TIAM1: variants seen among roughly 807,000 people sequenced by gnomAD.
TIAM1 encodes rho guanine nucleotide exchange factor TIAM1.
In TIAM1, 65 loss-of-function variants were observed where a neutral mutation model predicts 163.5. That is an observed-to-expected ratio of 0.40 (90% CI 0.33 to 0.49). The LOEUF is 0.49. Ranked by LOEUF, TIAM1 falls within the 20% of genes least tolerant of loss-of-function variation. The pLI, the probability that TIAM1 is intolerant of heterozygous loss-of-function variation, is 0.77. For missense variants in TIAM1, 1,789 were observed against 2,044.7 expected (o/e 0.87, Z 2.41); for synonymous variants, 833 against 810.1 (o/e 1.03, Z -0.48).
chr21:31,145,910 A>T (rs1056979433), intron 20 of TIAM1, among the ~76,000 whole-genome samples: 1 of 152,212 alleles, frequency 6.6e-6, no homozygotes, highest in Non-Finnish European at 1.5e-5. Flanking sequence ...ACAAAATGAC[A>T]TTAGTTGGGA....
At chr21:31,217,522 G>A (rs768370537) in intron 9 of TIAM1, 31 bp downstream of exon 9, 37 of 1,607,078 alleles carry the variant, frequency 2.3e-5, no homozygotes, top group South Asian at 1.4e-4. Flanking sequence ...TGATTTGTGC[G>A]GGCTCACTTT....
chr21:31,394,407 G>A (rs545626703), intron 2 of TIAM1, among the ~76,000 whole-genome samples: 11 of 152,336 alleles, frequency 7.2e-5, no homozygotes, highest in African/African-American at 2.6e-4. Context: ...AACTAATTCT[G>A]TGGGATACTA....
intron 2 of TIAM1, among the ~76,000 whole-genome samples, chr21:31,403,347 C>A (rs924432209): frequency 6.6e-6 from 1 of 152,106 alleles, no homozygotes; most frequent in African/African-American, 2.4e-5. Flanking sequence ...CGGGGTTTCA[C>A]CATGTTAGCC....
At chr21:31,162,977 G>A (rs1366846670) in intron 16 of TIAM1, among the ~76,000 whole-genome samples, 2 of 152,014 alleles carry the variant, frequency 1.3e-5, no homozygotes, top group Non-Finnish European at 2.9e-5. Context: ...AGCCTCTTCC[G>A]TCCTCTCCAC....
chr21:31,508,166 T>C (rs2147464801), intron 1 of TIAM1, among the ~76,000 whole-genome samples: 1 of 152,178 alleles, frequency 6.6e-6, no homozygotes, highest in South Asian at 2.1e-4. Flanking sequence ...AGAGTGAACG[T>C]GGCCCTGCTC....
chr21:31,550,886 CA>C (rs746742630), intron 1 of TIAM1, among the ~76,000 whole-genome samples: 1 of 152,104 alleles, frequency 6.6e-6, no homozygotes, highest in Non-Finnish European at 1.5e-5. Flanking sequence ...AGGTCTATGT[CA>C]GTAATATAAA....
rs2082858631 is a variant in TIAM1, at chr21:31,141,823, T to C, written c.3476-319A>G. Among the ~76,000 whole-genome samples the C allele has an allele frequency of 6.6e-6, 1 of 152,120 alleles. No homozygotes were observed. Among genetic ancestry groups the C allele is most frequent in the African/African-American group, 2.4e-5 (1 of 41,428 alleles). On this transcript the variant is annotated intron_variant, in intron 20 of 27. Coordinates refer to ENST00000541036, the MANE Select transcript of TIAM1 (RefSeq NM_001353694.2). This position sits in a 1 kb window ranked among gnomAD's most constrained non-coding sequence, Gnocchi z 4.7. ...TTACACATGTTTTTTTATCCTGATG[T>C]TTTGACACCTGGGGCCTTACTGTCC...
intron 19 of TIAM1, among the ~76,000 whole-genome samples, chr21:31,151,446 T>C (rs2083367433): frequency 6.6e-6 from 1 of 152,052 alleles, no homozygotes; most frequent in African/African-American, 2.4e-5. Context: ...CTACGCTGAG[T>C]GGAAGCAGCC....
At chr21:31,526,800 C>T (rs755660157) in intron 1 of TIAM1, among the ~76,000 whole-genome samples, 12 of 152,150 alleles carry the variant, frequency 7.9e-5, no homozygotes, top group Non-Finnish European at 1.5e-4. Flanking sequence ...CTCCCAGGTT[C>T]GTGCGATTTT....
At position 31,395,782 on chromosome 21, in the gene TIAM1, A is replaced by C. The variant is rs1191814188; in HGVS notation, c.-368-56360T>G. ...AGGTTATTAAAAGGACGTGAGATGC[A>C]TGGAATTAATGAACAACTATCTGTG... On this transcript the variant is annotated intron_variant, in intron 2 of 28. Transcript: ENST00000286827. The surrounding 1 kb of genome is among the most constrained non-coding windows in gnomAD (Gnocchi z 7.5). Among the ~76,000 whole-genome samples, 1 of 152,202 alleles carries C rather than the reference A, an allele frequency of 6.6e-6. No individual in the cohort carries two copies. Among genetic ancestry groups the C allele is most frequent in the Non-Finnish European group, 1.5e-5 (1 of 68,030 alleles).
At chr21:31,212,606 C>CTTTTTTTTTTTTTTTTTTTTTTTTT (rs35838120) in intron 10 of TIAM1, 1 of 93,742 alleles carries the variant, frequency 1.1e-5, no homozygotes, top group Non-Finnish European at 2.1e-5. Context: ...GCCTGTGAAT[C>CTTTTTTTTTTTTTTTTTTTTTTTTT]TTTTTTTTTT....
intron 10 of TIAM1, among the ~76,000 whole-genome samples, chr21:31,210,834 T>G (rs2086851427): frequency 1.3e-5 from 2 of 148,266 alleles, no homozygotes; most frequent in South Asian, 2.2e-4. Flanking sequence ...CAGCTCAGCT[T>G]TATGGCTCTT....
intron 2 of TIAM1, among the ~76,000 whole-genome samples, chr21:31,437,446 T>A (rs111965915): frequency 6.8e-6 from 1 of 147,328 alleles, no homozygotes; most frequent in African/African-American, 2.6e-5. Context: ...GAGGCTGGAG[T>A]GAATCATGAT....
At chr21:31,544,259 G>A (rs2048415192) in intron 1 of TIAM1, among the ~76,000 whole-genome samples, 1 of 151,736 alleles carries the variant, frequency 6.6e-6, no homozygotes, top group Non-Finnish European at 1.5e-5. Flanking sequence ...GGTGGCTCAC[G>A]CCTGTAATCC....
chr21:31,214,594 T>G (rs1425269790), intron 9 of TIAM1, among the ~76,000 whole-genome samples: 1 of 152,116 alleles, frequency 6.6e-6, no homozygotes, highest in Non-Finnish European at 1.5e-5. Context: ...GTCTCTTCCT[T>G]GAAATGTAAT....
chr21:31,512,678 C>T (rs1005116703), intron 1 of TIAM1, among the ~76,000 whole-genome samples: 1 of 142,390 alleles, frequency 7.0e-6, no homozygotes, highest in Non-Finnish European at 1.5e-5. Context: ...AGTGCAGTGG[C>T]GTGATCTTGG....
rs562002407 is a variant in TIAM1 at position 31,395,000 on chromosome 21, G to A, written c.-368-55578C>T. On this transcript the variant is annotated intron_variant, in intron 2 of 28. Transcript: ENST00000286827. ...TACCTGTAACCCCAGCACTTTGGGAGGCCAAGGTGGGTGGATCACTTGAGG... is the reference window on the plus strand; with the variant it reads ...TACCTGTAACCCCAGCACTTTGGGAAGCCAAGGTGGGTGGATCACTTGAGG... 2.4e-4 allele frequency among the ~76,000 whole-genome samples: 37 copies of A among 152,294 alleles called. No homozygotes were observed. The East Asian group carries it at 6.8e-3, about 28-fold the overall frequency.
At chr21:31,489,018 T>A (rs1035557807) in intron 1 of TIAM1, among the ~76,000 whole-genome samples, 2 of 128,438 alleles carry the variant, frequency 1.6e-5, no homozygotes, top group African/African-American at 3.0e-5. Context: ...AAAAAAAAAA[T>A]ACTTGCCAAG....
chr21:31,244,864 CA>C (rs1569096325), intron 6 of TIAM1, among the ~76,000 whole-genome samples: 1 of 152,238 alleles, frequency 6.6e-6, no homozygotes, highest in East Asian at 1.9e-4. Context: ...CATAACAACA[CA>C]AAAAAGTTCT....
Sources: allele counts gnomAD v4.1 joint callset (sites outside exome capture counted in the v4.1 genomes callset), GRCh38; gene constraint gnomAD v4.1.1; non-coding constraint Gnocchi (gnomAD v3.1); transcripts MANE v1.5; gene names NCBI Gene and HGNC (gene_info 2026-07-23, HGNC 2026-07-21).